CNTNAP2: variants seen among roughly 807,000 people sequenced by gnomAD.
CNTNAP2 encodes the protein contactin associated protein 2, also known as contactin-associated protein-like 2.
CNTNAP2 carries 98 observed loss-of-function variants against 155.2 expected under a neutral mutation model. That is an observed-to-expected ratio of 0.63 (90% confidence interval 0.54 to 0.75). The LOEUF (loss-of-function observed/expected upper bound fraction) is 0.75. CNTNAP2 is among the 30% of genes least tolerant of loss of function. The probability of loss-of-function intolerance (pLI) is 0.00; values close to 1 mark genes in which losing one functional copy is unlikely to be tolerated. For synonymous variants in CNTNAP2, 651 were observed against 631.2 expected (o/e 1.03, Z -0.47); for missense variants, 1,727 against 1,688.1 (o/e 1.02, Z -0.40).
At chr7:147,110,973 C>T (rs1800866301) in intron 5 of CNTNAP2, among the ~76,000 whole-genome samples, 1 of 152,184 alleles carries the variant, frequency 6.6e-6, no homozygotes, top group Admixed American at 6.5e-5. Context: ...AATGATTGAA[C>T]TAATTTCCCC....
intron 8 of CNTNAP2, among the ~76,000 whole-genome samples, chr7:147,138,955 G>A (rs1416019238): frequency 1.3e-5 from 2 of 151,818 alleles, no homozygotes; most frequent in Non-Finnish European, 2.9e-5. Context: ...TCAGTTTACT[G>A]TACAAATAAA....
intron 6 of CNTNAP2, chr7:147,122,937 G>A (rs1584857834): frequency 6.6e-6 from 1 of 151,878 alleles, no homozygotes; most frequent in South Asian, 2.1e-4. Context: ...GGAAAAAACA[G>A]GATTAATAGC....
rs60109355 is a variant in CNTNAP2 at position 148,323,294 on chromosome 7, CTTTTTTTTTTTTTT to C, written c.3475+56183_3475+56196del. ...CATATGGCTTCCCAATTATGGATTT[CTTTTTTTTTTTTTT>C]TTTTTTTTTTTTTTCAGATTGTGAT... On this transcript the variant is annotated intron_variant, in intron 21 of 23. Transcript: ENST00000361727. Among the ~76,000 whole-genome samples the C allele has an allele frequency of 7.5e-3, 370 of 49,490 alleles. 2 individuals are homozygous for C. Among genetic ancestry groups the C allele is most frequent in the Admixed American group, 0.011 (34 of 3,116 alleles). 32.5% of individuals were successfully genotyped at this position (49,490 alleles called of 152,430 possible). A position where few individuals can be genotyped will look rare whatever the true frequency, so the allele number is the denominator to read the frequency against.
intron 3 of CNTNAP2, among the ~76,000 whole-genome samples, chr7:147,000,414 G>T (rs1395753031): frequency 6.6e-6 from 1 of 151,820 alleles, no homozygotes; most frequent in African/African-American, 2.4e-5. Context: ...TTGTCCCTTT[G>T]GTGACTTCAT....
At chr7:146,536,087 G>A (rs962298743) in intron 1 of CNTNAP2, among the ~76,000 whole-genome samples, 4 of 152,042 alleles carry the variant, frequency 2.6e-5, no homozygotes, top group African/African-American at 9.7e-5. Flanking sequence ...CTACAATAAT[G>A]AGAAAAAAGC....
At chr7:146,807,031 A>G (rs1283504526) in intron 2 of CNTNAP2, among the ~76,000 whole-genome samples, 2 of 152,232 alleles carry the variant, frequency 1.3e-5, no homozygotes, top group East Asian at 3.8e-4. Flanking sequence ...TGAAAAAATG[A>G]ATAAATAAAC....
intron 13 of CNTNAP2, among the ~76,000 whole-genome samples, chr7:147,717,750 C>A (rs527607469): frequency 2.0e-5 from 3 of 151,862 alleles, no homozygotes; most frequent in African/African-American, 2.4e-5. Context: ...ATGGGCAGGG[C>A]GGGGCACATG....
intron 8 of CNTNAP2, among the ~76,000 whole-genome samples, chr7:147,142,670 T>A (rs983186575): frequency 2.0e-5 from 3 of 152,158 alleles, no homozygotes; most frequent in African/African-American, 7.2e-5. Flanking sequence ...TCCTAATGGG[T>A]GCAGCACACC....
At chr7:147,631,960 C>T (rs901056639) in intron 12 of CNTNAP2, among the ~76,000 whole-genome samples, 3 of 151,902 alleles carry the variant, frequency 2.0e-5, no homozygotes, top group Admixed American at 6.6e-5. Context: ...AGCAAATGCA[C>T]CAAAAACAAA....
chr7:146,706,495 T>G lies in CNTNAP2; in HGVS notation c.98-67776T>G, dbSNP rs191671163. ...ATCTGAATAATGAATGTGATTTATC[T>G]AAATGAATAGTATACCATGCTAATA... On this transcript the variant is annotated intron_variant, in intron 1 of 23. Transcript: ENST00000361727. Among the ~76,000 whole-genome samples, 653 of 152,296 alleles carry G rather than the reference T, an allele frequency of 4.3e-3. 5 individuals carry two copies. The highest frequency in any genetic ancestry group is 0.02 in the Middle Eastern group (6 of 294).
chr7:146,459,950 A>C (rs1369556097), intron 1 of CNTNAP2, among the ~76,000 whole-genome samples: 2 of 152,140 alleles, frequency 1.3e-5, no homozygotes, highest in African/African-American at 2.4e-5. Flanking sequence ...AGGCTGGGTG[A>C]CAGAGCGAGA....
At chr7:147,649,570 T>G (rs1434861647) in intron 13 of CNTNAP2, among the ~76,000 whole-genome samples, 1 of 152,162 alleles carries the variant, frequency 6.6e-6, no homozygotes, top group East Asian at 1.9e-4. Context: ...TGAATTTTCT[T>G]TGAAGATGAT....
intron 13 of CNTNAP2, among the ~76,000 whole-genome samples, chr7:147,782,385 C>T (rs765371743): frequency 6.6e-6 from 1 of 152,138 alleles, no homozygotes; most frequent in Non-Finnish European, 1.5e-5. Flanking sequence ...TCCATTAGGG[C>T]TGCTACAACA....
At chr7:147,238,509 GTGA>G (rs1803865562) in intron 8 of CNTNAP2, among the ~76,000 whole-genome samples, 1 of 151,904 alleles carries the variant, frequency 6.6e-6, no homozygotes, top group South Asian at 2.1e-4. Flanking sequence ...GATAGGTTTA[GTGA>G]TGGTTTCAAT....
chr7:147,728,316 C>A lies in CNTNAP2; in HGVS notation c.2098+89010C>A, dbSNP rs769635002. On this transcript the variant is annotated intron_variant, in intron 13 of 23. Coordinates refer to ENST00000361727, the MANE Select transcript of CNTNAP2 (RefSeq NM_014141.6). ...TCTGTTTCTCAGGTGAAGCGAAGTT[C>A]GGAAGTTGTCAGGCTACTGACCACT... Among the ~76,000 whole-genome samples the A allele has an allele frequency of 2.0e-5, 3 of 151,914 alleles. No homozygotes were observed. In the South Asian group the frequency reaches 6.2e-4, roughly 31 times the overall value.
chr7:147,296,372 C>A (rs1478107437), intron 8 of CNTNAP2, among the ~76,000 whole-genome samples: 2 of 152,186 alleles, frequency 1.3e-5, no homozygotes, highest in Non-Finnish European at 2.9e-5. Flanking sequence ...CAAAGGGACC[C>A]ACTTGAGATG....
intron 10 of CNTNAP2, among the ~76,000 whole-genome samples, chr7:147,408,523 G>A (rs1487622397): frequency 6.6e-6 from 1 of 152,218 alleles, no homozygotes; most frequent in Non-Finnish European, 1.5e-5. Flanking sequence ...CACTTTGGGA[G>A]GCTGACGCGG....
chr7:146,708,294 A>G (rs1219305489), intron 1 of CNTNAP2, among the ~76,000 whole-genome samples: 4 of 152,076 alleles, frequency 2.6e-5, no homozygotes, highest in South Asian at 2.1e-4. Flanking sequence ...GAGGCCTTCA[A>G]TGATACATGT....
chr7:146,750,050 T>C (rs969302690), intron 1 of CNTNAP2, among the ~76,000 whole-genome samples: 1 of 152,170 alleles, frequency 6.6e-6, no homozygotes, highest in African/African-American at 2.4e-5. Flanking sequence ...TACAAGTGGT[T>C]ATCCTCATAA....
Sources: allele counts gnomAD v4.1 joint callset (sites outside exome capture counted in the v4.1 genomes callset), GRCh38; gene constraint gnomAD v4.1.1; transcripts MANE v1.5; gene names NCBI Gene and HGNC (gene_info 2026-07-23, HGNC 2026-07-21).